COG5: variants seen among roughly 807,000 people sequenced by gnomAD.
COG5 encodes component of oligomeric golgi complex 5, also known as conserved oligomeric Golgi complex subunit 5.
COG5 carries 86 observed loss-of-function variants against 110.4 expected under a neutral mutation model. The ratio of observed to expected loss-of-function variants is 0.78; its 90% CI spans 0.65 to 0.93. COG5 has a LOEUF of 0.93. COG5 is among the 40% of genes least tolerant of loss of function. The pLI, the probability that COG5 is intolerant of heterozygous loss-of-function variation, is 0.00. For missense variants in COG5, 1,077 were observed against 987.0 expected, an observed-to-expected ratio of 1.09 and a Z score of -1.22; for synonymous variants, 360 against 334.6, an observed-to-expected ratio of 1.08 and a Z score of -0.83.
At chr7:107,466,779 C>T (rs919959701) in intron 6 of COG5, among the ~76,000 whole-genome samples, 2 of 152,196 alleles carry the variant, frequency 1.3e-5, no homozygotes, top group African/African-American at 2.4e-5. Flanking sequence ...AGGTTTACTA[C>T]GCTAAGTATC....
intron 6 of COG5, among the ~76,000 whole-genome samples, chr7:107,456,270 T>C (rs1053418045): frequency 2.0e-5 from 3 of 152,194 alleles, no homozygotes; most frequent in African/African-American, 7.2e-5. Flanking sequence ...CTCAAGGTAG[T>C]TCATAATTGC....
intron 11 of COG5, among the ~76,000 whole-genome samples, chr7:107,324,057 A>T (rs961031735): frequency 6.6e-6 from 1 of 152,194 alleles, no homozygotes; most frequent in Non-Finnish European, 1.5e-5. Flanking sequence ...AAAAATTTGC[A>T]AAGCCTCTGT....
chr7:107,309,422 T>C (rs1266894164), intron 11 of COG5, among the ~76,000 whole-genome samples: 1 of 152,172 alleles, frequency 6.6e-6, no homozygotes, highest in African/African-American at 2.4e-5. Flanking sequence ...AGAATGTCTG[T>C]TATTTACTGA....
rs1399434141 is a variant in COG5 at position 107,472,033 on chromosome 7, G to A, written c.538+55204C>T. The stretch of plus-strand genomic sequence containing the variant: ...TAAATATATTTTAGAAGCTACAAAC[G>A]TTATGTTTCCTTTTTTGTTTTCACA... On this transcript the variant is annotated intron_variant, in intron 6 of 21. Transcript: ENST00000297135. 5 of 152,016 alleles carry A rather than the reference G, an allele frequency of 3.3e-5. No homozygotes were observed. In the South Asian group the frequency reaches 6.2e-4, roughly 19 times the overall value. The allele number at this position is 152,016 out of a possible 1,614,324, so 9.4% of individuals were successfully genotyped here.
intron 12 of COG5, among the ~76,000 whole-genome samples, chr7:107,293,905 C>G (rs1427295692): frequency 2.0e-5 from 3 of 151,938 alleles, no homozygotes; most frequent in African/African-American, 7.3e-5. Context: ...AACTCTGTCT[C>G]TACTAAAAAT....
chr7:107,337,167 C>G (rs1005616697), intron 10 of COG5, among the ~76,000 whole-genome samples: 4 of 151,680 alleles, frequency 2.6e-5, no homozygotes, highest in Non-Finnish European at 5.9e-5. Context: ...GGTGAGGATG[C>G]AGGGAAAAAG....
At chr7:107,408,195 A>G (rs1232953788) in intron 7 of COG5, among the ~76,000 whole-genome samples, 1 of 152,208 alleles carries the variant, frequency 6.6e-6, no homozygotes, top group African/African-American at 2.4e-5. Context: ...AACCACATTC[A>G]TTCATTTACA....
chr7:107,543,111 A>C (rs1192948388), intron 5 of COG5, among the ~76,000 whole-genome samples: 5 of 152,232 alleles, frequency 3.3e-5, no homozygotes, highest in Non-Finnish European at 5.9e-5. Context: ...GTAAGATGGC[A>C]GAGGAAGACT....
At chr7:107,561,175 TATA>T (rs1413781957) in intron 1 of COG5, among the ~76,000 whole-genome samples, 3 of 152,250 alleles carry the variant, frequency 2.0e-5, no homozygotes, top group Non-Finnish European at 2.9e-5. Context: ...AGATGAATTA[TATA>T]ATGCTTCTCT....
chr7:107,370,817 T>TATAC (rs930577807), intron 8 of COG5, among the ~76,000 whole-genome samples: 12 of 148,614 alleles, frequency 8.1e-5, no homozygotes, highest in African/African-American at 2.9e-4. Context: ...TATATATATA[T>TATAC]ACACACACAA....
chr7:107,510,812 T>C (rs997478171), intron 6 of COG5, among the ~76,000 whole-genome samples: 1 of 152,038 alleles, frequency 6.6e-6, no homozygotes, highest in Non-Finnish European at 1.5e-5. Context: ...CATAACGAAA[T>C]GAAGGCAGAA....
In COG5 at chr7:107,414,703, C is replaced by CTTTTTTTT. The variant is rs530323655; in HGVS notation, c.539-2079_539-2072dup. Among the ~76,000 whole-genome samples, 49 of 61,714 alleles carry CTTTTTTTT rather than the reference C, an allele frequency of 7.9e-4. 12 individuals carry two copies. Among genetic ancestry groups the CTTTTTTTT allele is most frequent in the East Asian group, 2.4e-3 (6 of 2,490 alleles). The allele number at this position is 61,714 out of a possible 152,430, so 40.5% of individuals were successfully genotyped here. Reference sequence around the variant, plus strand: ...ATTGATTCCAAAATCCTCACTGTCCCTTTTTTTTTTTTTTTTTTTTTTTTT... The same window carrying CTTTTTTTT: ...ATTGATTCCAAAATCCTCACTGTCCCTTTTTTTTTTTTTTTTTTTTTTTTTTTTTTTTT... On this transcript the variant is annotated intron_variant, in intron 6 of 21. Transcript: ENST00000297135.
At chr7:107,393,564 C>T (rs1416473586) in intron 7 of COG5, among the ~76,000 whole-genome samples, 1 of 152,070 alleles carries the variant, frequency 6.6e-6, no homozygotes, top group African/African-American at 2.4e-5. Flanking sequence ...GGGGGTGGGC[C>T]CACAGCTGCT....
intron 11 of COG5, among the ~76,000 whole-genome samples, chr7:107,300,543 CAG>C (rs1463738575): frequency 6.6e-6 from 1 of 152,028 alleles, no homozygotes; most frequent in African/African-American, 2.4e-5. Context: ...AATGAACAAT[CAG>C]AAGTTGAAAT....
chr7:107,228,306 C>CAAAAAA lies in COG5; in HGVS notation c.2168+2303_2168+2308dup, dbSNP rs201009011. ...TGGGTGACAGAGTGACACCCGGTCT[C>CAAAAAA]AAAAAAAAAAAAAAAAAAAGCCAAA... is the stretch of plus-strand genomic sequence containing the variant. On this transcript the variant is annotated intron_variant, in intron 19 of 21. Transcript: ENST00000297135. 8.9e-5 allele frequency among the ~76,000 whole-genome samples: 6 copies of CAAAAAA among 67,526 alleles called. 1 individual carries two copies. The highest frequency in any genetic ancestry group is 1.7e-4 in the African/African-American group (3 of 17,758). The allele number at this position is 67,526 out of a possible 152,430, so 44.3% of individuals were successfully genotyped here.
chr7:107,534,447 T>G (rs1380445386), intron 5 of COG5, among the ~76,000 whole-genome samples: 3 of 149,062 alleles, frequency 2.0e-5, no homozygotes, highest in Non-Finnish European at 4.4e-5. Context: ...ACATATAGGC[T>G]GAAAATAAAG....
chr7:107,484,957 A>G (rs1797571028), intron 6 of COG5, among the ~76,000 whole-genome samples: 1 of 152,198 alleles, frequency 6.6e-6, no homozygotes, highest in South Asian at 2.1e-4. Context: ...CAAGTGTCTT[A>G]AAAACAAAAA....
At chr7:107,439,199 T>C (rs751680797) in intron 6 of COG5, among the ~76,000 whole-genome samples, 9 of 152,166 alleles carry the variant, frequency 5.9e-5, no homozygotes, top group Non-Finnish European at 1.0e-4. Flanking sequence ...CTTCACTCTC[T>C]TACATCATCA....
chr7:107,245,358 A>G (rs2116525740), intron 17 of COG5, among the ~76,000 whole-genome samples: 1 of 152,266 alleles, frequency 6.6e-6, no homozygotes, highest in South Asian at 2.1e-4. Context: ...TGGAGGTCCT[A>G]GCCAGAGCAA....
Sources: gnomAD v4.1 joint callset for allele counts (sites outside exome capture counted in the v4.1 genomes callset) on GRCh38, gnomAD v4.1.1 for gene constraint, MANE v1.5 for transcripts, NCBI Gene and HGNC (gene_info 2026-07-23, HGNC 2026-07-21) for gene names.